Variants in AGPAT5 observed in about 807,000 individuals in gnomAD.
The protein encoded by AGPAT5 is 1-acyl-sn-glycerol-3-phosphate acyltransferase epsilon.
AGPAT5 carries 46 observed loss-of-function variants against 45.6 expected under a neutral mutation model. That is an observed-to-expected ratio of 1.01 (90% CI 0.80 to 1.29). The LOEUF (loss-of-function observed/expected upper bound fraction) is 1.29, where lower values mean the gene tolerates loss of function less well. Ranked by LOEUF, AGPAT5 falls within the 50% of genes most tolerant of loss-of-function variation. AGPAT5 has a pLI of 0.00. For missense variants in AGPAT5, 673 were observed against 450.7 expected (o/e 1.49, Z -4.47); for synonymous variants, 272 against 167.0 (o/e 1.63, Z -4.85).
At chr8:6,753,256 G>A (rs910945417) in intron 6 of AGPAT5, among the ~76,000 whole-genome samples, 2 of 152,146 alleles carry the variant, frequency 1.3e-5, no homozygotes, top group African/African-American at 4.8e-5. Context: ...ACTCCACGAA[G>A]CATTCTATTT....
At position 6,755,088 on chromosome 8, in the gene AGPAT5, C is replaced by T. The variant is rs773879896; in HGVS notation, c.783C>T (p.His261=). 264 of 1,603,076 alleles carry T rather than the reference C, an allele frequency of 1.6e-4. 3 individuals carry two copies. In the East Asian group the frequency reaches 5.7e-3, roughly 35 times the overall value. ...AAGAATGTCCAAAAATTCATATTCACATTGATCGTATCGACAAAAAAGATG... is the reference window on the plus strand; with the variant it reads ...AAGAATGTCCAAAAATTCATATTCATATTGATCGTATCGACAAAAAAGATG... ...LCKECPKIHI[H]IDRIDKKDVP... The change falls in exon 7 of 8, where the codon CAC becomes CAT. Residue 261 remains histidine, a synonymous_variant. Transcript: ENST00000285518.
At chr8:6,712,858 G>A (rs192454414) in intron 1 of AGPAT5, among the ~76,000 whole-genome samples, 1 of 152,136 alleles carries the variant, frequency 6.6e-6, no homozygotes, top group Non-Finnish European at 1.5e-5. Flanking sequence ...ATGTTAATAG[G>A]ATGTCTTCAA....
chr8:6,732,490 G>A, intron 3 of AGPAT5, 71 bp from the exon 4 acceptor site: 2 of 1,197,448 alleles, frequency 1.7e-6, no homozygotes, highest in African/African-American at 1.6e-5. Flanking sequence ...AAGAGAAGTT[G>A]CCTTTTTGAT....
chr8:6,719,496 C>T (rs1019586181), intron 1 of AGPAT5, among the ~76,000 whole-genome samples: 33 of 152,192 alleles, frequency 2.2e-4, no homozygotes, highest in Admixed American at 2.0e-3. Flanking sequence ...TGCATTCATA[C>T]AAGAGGGAAC....
At chr8:6,727,790 C>CT (rs1236075351) in intron 2 of AGPAT5, among the ~76,000 whole-genome samples, 1 of 152,140 alleles carries the variant, frequency 6.6e-6, no homozygotes, top group Non-Finnish European at 1.5e-5. Flanking sequence ...AAGGGATGGA[C>CT]TTTGGAGTTA....
chr8:6,749,690 T>G (rs1289746689), intron 6 of AGPAT5, among the ~76,000 whole-genome samples: 2 of 152,256 alleles, frequency 1.3e-5, no homozygotes, highest in African/African-American at 4.8e-5. Context: ...ACTTACCTAT[T>G]TTTGCATTTG....
chr8:6,752,532 G>T (rs1292941148), intron 6 of AGPAT5, among the ~76,000 whole-genome samples: 1 of 151,964 alleles, frequency 6.6e-6, no homozygotes, highest in Non-Finnish European at 1.5e-5. Flanking sequence ...GCTTCATCTT[G>T]TTGGAATGTG....
chr8:6,709,255 A>C, intron 1 of AGPAT5: 2 of 301,506 alleles, frequency 6.6e-6, no homozygotes, highest in Admixed American at 4.9e-5. Context: ...AACAGATCGG[A>C]GACGTCTACA....
chr8:6,743,608 C>T (rs1409582645), intron 5 of AGPAT5, among the ~76,000 whole-genome samples: 1 of 152,174 alleles, frequency 6.6e-6, no homozygotes, highest in Admixed American at 6.5e-5. Context: ...AGTGCAGGCA[C>T]TGTGGTAATA....
At chr8:6,722,472 A>G (rs1452287103) in intron 1 of AGPAT5, among the ~76,000 whole-genome samples, 3 of 152,234 alleles carry the variant, frequency 2.0e-5, no homozygotes, top group Non-Finnish European at 2.9e-5. Context: ...AATGAAGAAT[A>G]TATATTTTTT....
intron 6 of AGPAT5, among the ~76,000 whole-genome samples, chr8:6,752,769 T>C (rs991894923): frequency 6.6e-6 from 1 of 152,244 alleles, no homozygotes; most frequent in Admixed American, 6.5e-5. Flanking sequence ...TGAACTATCC[T>C]TCAACTAAGA....
rs560037960 is a variant in AGPAT5, at chr8:6,737,405, A to G, written c.496-4256A>G. Among the ~76,000 whole-genome samples the G allele has an allele frequency of 1.3e-5, 2 of 152,244 alleles. 1 individual carries two copies. Among genetic ancestry groups the G allele is most frequent in the South Asian group, 4.1e-4 (2 of 4,834 alleles). On this transcript the variant is annotated intron_variant, in intron 4 of 7. Coordinates refer to ENST00000285518, the MANE Select transcript of AGPAT5 (RefSeq NM_018361.5). The stretch of plus-strand genomic sequence containing the variant: ...TCTCATGAATCTATTCCATGATTGT[A>G]TCAGTTCTTATTCGGTATTAGTATT...
chr8:6,718,878 A>G (rs185600544), intron 1 of AGPAT5, among the ~76,000 whole-genome samples: 40 of 152,348 alleles, frequency 2.6e-4, no homozygotes, highest in African/African-American at 9.6e-4. Flanking sequence ...TGTCCTTGAG[A>G]AGCAGCAGTT....
chr8:6,757,680 G>T lies in AGPAT5; in HGVS notation c.*292G>T. On this transcript the variant is annotated 3_prime_UTR_variant, in exon 8 of 8. Transcript: ENST00000285518. ...ACAACTTGAGAAGGCTGGGAGGATTGTGTATTTTGCAAGTCAGATGGCTGC... is the reference window on the plus strand; with the variant it reads ...ACAACTTGAGAAGGCTGGGAGGATTTTGTATTTTGCAAGTCAGATGGCTGC... 3.8e-6 allele frequency: 1 copy of T among 261,314 alleles called. No homozygotes were observed. The highest frequency in any genetic ancestry group is 7.2e-6 in the Non-Finnish European group (1 of 138,014). The allele number at this position is 261,314 out of a possible 1,614,324, so 16.2% of individuals were successfully genotyped here.
intron 1 of AGPAT5, among the ~76,000 whole-genome samples, chr8:6,716,538 A>G (rs1475455667): frequency 6.6e-6 from 1 of 152,086 alleles, no homozygotes. Flanking sequence ...TCTCAAAAGA[A>G]AAAAAAGGTA....
chr8:6,712,927 A>G (rs1280217975), intron 1 of AGPAT5, among the ~76,000 whole-genome samples: 2 of 152,144 alleles, frequency 1.3e-5, no homozygotes, highest in Middle Eastern at 3.2e-3. Flanking sequence ...CCCCATTCCT[A>G]TGCAATACAC....
chr8:6,709,911 A>G (rs1019745433), intron 1 of AGPAT5, among the ~76,000 whole-genome samples: 5 of 152,220 alleles, frequency 3.3e-5, no homozygotes, highest in Non-Finnish European at 7.3e-5. Context: ...AGAAAAAAAG[A>G]TACTGTTCCA....
intron 5 of AGPAT5, among the ~76,000 whole-genome samples, chr8:6,743,594 C>G (rs148008854): frequency 1.5e-4 from 23 of 152,286 alleles, no homozygotes; most frequent in African/African-American, 5.1e-4. Context: ...TGGGGTCCTG[C>G]AGAAGTGCAG....
At chr8:6,739,616 C>G (rs187438967) in intron 4 of AGPAT5, among the ~76,000 whole-genome samples, 105 of 152,158 alleles carry the variant, frequency 6.9e-4, no homozygotes, top group African/African-American at 2.4e-3. Context: ...ATATACTAAC[C>G]TTGCTAAACT....
Sources: gnomAD v4.1 joint callset for allele counts (sites outside exome capture counted in the v4.1 genomes callset) on GRCh38, gnomAD v4.1.1 for gene constraint, MANE v1.5 for transcripts, NCBI Gene and HGNC (gene_info 2026-07-23, HGNC 2026-07-21) for gene names.